Variants in RAP1GAP2 observed in about 807,000 individuals in gnomAD.
RAP1GAP2 encodes the protein RAP1 GTPase activating protein 2.
In RAP1GAP2, 27 loss-of-function variants were observed where a neutral mutation model predicts 95.0. The observed-to-expected ratio is 0.28, with a 90% CI of 0.21 to 0.39. RAP1GAP2 has a LOEUF of 0.39. Among genes scored for constraint, RAP1GAP2 ranks in the 10% least tolerant of loss-of-function variants. The pLI is 1.00. For missense variants in RAP1GAP2, 771 were observed against 970.0 expected (o/e 0.79, Z 2.72); for synonymous variants, 373 against 380.9 (o/e 0.98, Z 0.24).
rs758065301 is a variant in RAP1GAP2 at position 2,957,770 on chromosome 17, C to T, written c.177C>T (p.Phe59=). ...CTTTTGTCTTTCAGTCGTCGGAGTT[C>T]TTTGAGATGCTGGAGAAAATGCAGG... The part of the protein sequence containing the change: ...TAPPTMKSSE[F]FEMLEKMQGI... Residue 59 remains phenylalanine (F), a synonymous_variant, in exon 4 of 25, where the codon TTC becomes TTT. Coordinates refer to ENST00000254695, the MANE Select transcript of RAP1GAP2 (RefSeq NM_015085.5). 6.8e-6 allele frequency: 11 copies of T among 1,607,688 alleles called. 1 individual carries two copies. In the South Asian group the frequency reaches 1.2e-4, roughly 18 times the overall value.
At chr17:2,997,178 G>A (rs1165644554) in intron 13 of RAP1GAP2, among the ~76,000 whole-genome samples, 1 of 152,140 alleles carries the variant, frequency 6.6e-6, no homozygotes, top group Non-Finnish European at 1.5e-5. Context: ...CCCTGCTTGG[G>A]ATATGGAGTT....
At chr17:3,016,774 G>A (rs990890524) in intron 17 of RAP1GAP2, among the ~76,000 whole-genome samples, 5 of 152,218 alleles carry the variant, frequency 3.3e-5, no homozygotes, top group Non-Finnish European at 7.3e-5. Flanking sequence ...CTACTCTGTG[G>A]TGTAGACACC....
At chr17:2,888,481 T>G (rs1054644771) in intron 2 of RAP1GAP2, among the ~76,000 whole-genome samples, 4 of 152,162 alleles carry the variant, frequency 2.6e-5, no homozygotes. Context: ...TGAGATCAAC[T>G]TTTTTAGCTT....
At chr17:2,764,289 G>A (rs932141283) in intron 1 of RAP1GAP2, among the ~76,000 whole-genome samples, 2 of 151,612 alleles carry the variant, frequency 1.3e-5, no homozygotes, top group Non-Finnish European at 2.9e-5. Flanking sequence ...AAAATTAGCC[G>A]GGCATGGTGG....
rs181095268 is a variant in RAP1GAP2 at position 2,873,957 on chromosome 17, G to A, written c.81-31327G>A. 5.3e-5 allele frequency among the ~76,000 whole-genome samples: 8 copies of A among 151,512 alleles called. No individual in the cohort carries two copies. In the East Asian group the frequency reaches 1.6e-3, roughly 30 times the overall value. ...CTGTATTTTTGGTAGAGACGCGGTG[G>A]GGGGGGGCGGGTTTCACCATGTTGG... On this transcript the variant is annotated intron_variant, in intron 2 of 24. Transcript: ENST00000254695.
At chr17:2,838,424 C>A (rs984243458) in intron 2 of RAP1GAP2, among the ~76,000 whole-genome samples, 1 of 152,064 alleles carries the variant, frequency 6.6e-6, no homozygotes, top group Non-Finnish European at 1.5e-5. Flanking sequence ...TGCTGCCCTG[C>A]AAGGTGATTC....
At chr17:2,961,560 G>T (rs907163333) in intron 4 of RAP1GAP2, among the ~76,000 whole-genome samples, 4 of 152,206 alleles carry the variant, frequency 2.6e-5, no homozygotes, top group African/African-American at 9.6e-5. Flanking sequence ...ACAGGGCACT[G>T]CTCCCCAGAA....
At chr17:3,017,939 G>GTA in intron 17 of RAP1GAP2, 122 bp from the exon 18 acceptor site, 1 of 824,982 alleles carries the variant, frequency 1.2e-6, no homozygotes, top group Non-Finnish European at 1.8e-6. Flanking sequence ...GTGTGTGTGT[G>GTA]TGTGTGTGTA....
intron 17 of RAP1GAP2, among the ~76,000 whole-genome samples, chr17:3,010,055 G>C (rs191833732): frequency 6.6e-6 from 1 of 152,084 alleles, no homozygotes; most frequent in Non-Finnish European, 1.5e-5. Flanking sequence ...AACTATAAGA[G>C]GTGAGGCCAG....
intron 8 of RAP1GAP2, among the ~76,000 whole-genome samples, chr17:2,969,519 T>TTTTTTA (rs2044766462): frequency 1.5e-5 from 2 of 130,766 alleles, no homozygotes; most frequent in African/African-American, 2.9e-5. Flanking sequence ...TTTTTTTTTT[T>TTTTTTA]GAGATGGAGT....
chr17:2,877,173 G>A (rs9904893), intron 2 of RAP1GAP2, among the ~76,000 whole-genome samples: 2,034 of 152,262 alleles, frequency 0.013, 47 homozygotes, highest in African/African-American at 0.046. Context: ...ACAGGCGTGA[G>A]CCACTGTGCC....
intron 4 of RAP1GAP2, among the ~76,000 whole-genome samples, chr17:2,959,941 C>G (rs542126588): frequency 6.6e-6 from 1 of 151,910 alleles, no homozygotes; most frequent in Non-Finnish European, 1.5e-5. Context: ...CCTGGCCAAC[C>G]TGGTGAAACC....
chr17:2,943,348 T>G (rs2043576139), intron 3 of RAP1GAP2, among the ~76,000 whole-genome samples: 1 of 152,042 alleles, frequency 6.6e-6, no homozygotes, highest in African/African-American at 2.4e-5. Context: ...CTCCTACAGC[T>G]CAATAATAAA....
At chr17:2,763,445 C>T (rs1288161065) in intron 1 of RAP1GAP2, among the ~76,000 whole-genome samples, 1 of 152,108 alleles carries the variant, frequency 6.6e-6, no homozygotes, top group Non-Finnish European at 1.5e-5. Flanking sequence ...CCTGGAATCC[C>T]AGCGCTTTGG....
chr17:2,805,754 A>ATGTGTGTGTG (rs71377539), intron 2 of RAP1GAP2, among the ~76,000 whole-genome samples: 1 of 150,194 alleles, frequency 6.7e-6, no homozygotes, highest in Non-Finnish European at 1.5e-5. Context: ...AGATGCGTGT[A>ATGTGTGTGTG]TGTGTGTGTG....
At chr17:2,946,395 C>A (rs1004674542) in intron 3 of RAP1GAP2, among the ~76,000 whole-genome samples, 2 of 152,120 alleles carry the variant, frequency 1.3e-5, no homozygotes, top group East Asian at 1.9e-4. Flanking sequence ...AGCCATCTGG[C>A]CCTGGACTGT....
chr17:2,785,899 CTTTTTTTTTTT>C (rs386385450), intron 1 of RAP1GAP2, among the ~76,000 whole-genome samples: 1 of 119,926 alleles, frequency 8.3e-6, no homozygotes, highest in South Asian at 2.8e-4. Flanking sequence ...AAAAGTATGA[CTTTTTTTTTTT>C]TTTTTTTTTA....
At chr17:2,989,539 G>T (rs1021711263) in intron 11 of RAP1GAP2, among the ~76,000 whole-genome samples, 7 of 152,098 alleles carry the variant, frequency 4.6e-5, no homozygotes, top group Admixed American at 2.0e-4. Flanking sequence ...TGCCATGTTG[G>T]CCAGGCTGGT....
Position 2,965,193 on chromosome 17 carries a change from T to A in RAP1GAP2, c.493-347T>A. The stretch of plus-strand genomic sequence containing the variant: ...TTGCCCTTCAGAGTCAAGACAGCTG[T>A]GCGTTTGAACCCTGGATCTGTCCCT... On this transcript the variant is annotated intron_variant, in intron 7 of 24. Coordinates refer to ENST00000254695, the MANE Select transcript of RAP1GAP2 (RefSeq NM_015085.5). The surrounding 1 kb of genome is among the most constrained non-coding windows in gnomAD (Gnocchi z 4.7). The A allele has an allele frequency of 7.7e-6, 2 of 258,994 alleles. No homozygotes were observed. The highest frequency in any genetic ancestry group is 1.5e-5 in the Non-Finnish European group (2 of 133,054). 16.0% of individuals were successfully genotyped at this position (258,994 alleles called of 1,614,324 possible).
Sources: gnomAD v4.1 joint callset for allele counts (sites outside exome capture counted in the v4.1 genomes callset) on GRCh38, gnomAD v4.1.1 for gene constraint, Gnocchi (gnomAD v3.1) non-coding constraint, MANE v1.5 for transcripts, NCBI Gene and HGNC (gene_info 2026-07-23, HGNC 2026-07-21) for gene names.